The following GABRG3 variants were observed in gnomAD, a reference collection of about 807,000 sequenced individuals.
The protein encoded by GABRG3 is gamma-aminobutyric acid receptor subunit gamma-3.
In GABRG3, 25 loss-of-function variants were observed where a neutral mutation model predicts 48.8. The ratio of observed to expected loss-of-function variants is 0.51; its 90% confidence interval spans 0.37 to 0.72. The LOEUF is 0.72. Among genes scored for constraint, GABRG3 ranks in the 30% least tolerant of loss-of-function variants. The pLI is 0.00. For missense variants in GABRG3, 394 were observed against 577.9 expected, an observed-to-expected ratio of 0.68 and a Z score of 3.26; for synonymous variants, 227 against 217.6, an observed-to-expected ratio of 1.04 and a Z score of -0.38.
Position 27,537,080 on chromosome 15 carries a change from C to G in GABRG3, c.*4199C>G, listed in dbSNP as rs115708778. 6.9e-6 allele frequency: 1 copy of G among 145,232 alleles called. No homozygotes were observed. The highest frequency in any genetic ancestry group is 2.6e-5 in the African/African-American group (1 of 39,070). 9.0% of individuals were successfully genotyped at this position (145,232 alleles called of 1,614,324 possible). A position where few individuals can be genotyped will look rare whatever the true frequency, so the allele number is the denominator to read the frequency against. On this transcript the variant is annotated 3_prime_UTR_variant, in exon 10 of 10. Coordinates refer to ENST00000615808, the MANE Select transcript of GABRG3 (RefSeq NM_033223.5). ...ACTCTTTTTGAGTGCTTTTCCTGAGCGATTTTAAACTCTACCCGTAAGAAA... is the reference window on the plus strand; with the variant it reads ...ACTCTTTTTGAGTGCTTTTCCTGAGGGATTTTAAACTCTACCCGTAAGAAA...
intron 3 of GABRG3, among the ~76,000 whole-genome samples, chr15:27,259,623 G>A (rs1890715415): frequency 6.6e-6 from 1 of 152,184 alleles, no homozygotes; most frequent in African/African-American, 2.4e-5. Flanking sequence ...TAAGAGTTAA[G>A]TTGAGAAGAG....
intron 6 of GABRG3, among the ~76,000 whole-genome samples, chr15:27,504,461 T>C (rs1452223724): frequency 5.9e-5 from 9 of 152,206 alleles, no homozygotes; most frequent in Admixed American, 5.9e-4. Context: ...ATTTTGCCAC[T>C]TTATGTATGA....
rs1209238134 is a variant in GABRG3, at chr15:27,180,724, TTTAA to T, written c.271-146081_271-146078del. Among the ~76,000 whole-genome samples, 2 of 152,188 alleles carry T rather than the reference TTTAA, an allele frequency of 1.3e-5. No individual in the cohort carries two copies. Among genetic ancestry groups the T allele is most frequent in the Admixed American group, 1.3e-4 (2 of 15,290 alleles). On this transcript the variant is annotated intron_variant, in intron 3 of 9. Coordinates refer to ENST00000615808, the MANE Select transcript of GABRG3 (RefSeq NM_033223.5). This position sits in a 1 kb window ranked among gnomAD's most constrained non-coding sequence, Gnocchi z 4.2. ...AATTGAAAAACAGAAACCTATTTTC[TTTAA>T]TTATTTTACTAATTTCTACTTGATA... is the stretch of plus-strand genomic sequence containing the variant.
chr15:27,097,243 A>G (rs950141871), intron 3 of GABRG3, among the ~76,000 whole-genome samples: 9 of 152,150 alleles, frequency 5.9e-5, no homozygotes, highest in African/African-American at 2.2e-4. Flanking sequence ...TGGGCATGTA[A>G]GAAATGGAAA....
intron 7 of GABRG3, among the ~76,000 whole-genome samples, chr15:27,525,762 GT>G (rs1354309884): frequency 6.7e-6 from 1 of 148,746 alleles, no homozygotes; most frequent in East Asian, 2.0e-4. Flanking sequence ...CTTCATCCAT[GT>G]CCCTGCAAAG....
chr15:27,333,674 G>A (rs1893874383), intron 5 of GABRG3, among the ~76,000 whole-genome samples: 1 of 152,150 alleles, frequency 6.6e-6, no homozygotes, highest in Admixed American at 6.5e-5. Context: ...GTCCTTGCTG[G>A]TTACTAGTTT....
intron 3 of GABRG3, among the ~76,000 whole-genome samples, chr15:27,290,233 G>T (rs1366935057): frequency 1.3e-5 from 2 of 151,908 alleles, no homozygotes; most frequent in Non-Finnish European, 2.9e-5. Flanking sequence ...TTGACGAACA[G>T]ATATAAATAA....
intron 3 of GABRG3, among the ~76,000 whole-genome samples, chr15:27,289,987 G>T (rs1432486979): frequency 6.6e-6 from 1 of 152,094 alleles, no homozygotes; most frequent in Non-Finnish European, 1.5e-5. Flanking sequence ...AAAGGAACCA[G>T]AGCCCCTTGG....
In GABRG3 at chr15:27,308,531, T is replaced by C. The variant is rs528953154; in HGVS notation, c.271-18278T>C. Among the ~76,000 whole-genome samples, 460 of 147,554 alleles carry C rather than the reference T, an allele frequency of 3.1e-3. 4 individuals carry two copies. Among genetic ancestry groups the C allele is most frequent in the African/African-American group, 0.011 (438 of 40,206 alleles). ...AACATAATGTAAACATACATGTTTA[T>C]ATAAACATATATAATGTAAACATAC... On this transcript the variant is annotated intron_variant, in intron 3 of 9. Transcript: ENST00000615808.
At chr15:27,329,115 A>G (rs1893718980) in intron 5 of GABRG3, among the ~76,000 whole-genome samples, 1 of 152,210 alleles carries the variant, frequency 6.6e-6, no homozygotes, top group Non-Finnish European at 1.5e-5. Flanking sequence ...CAACTTGACC[A>G]TTGACATGGA....
chr15:27,444,278 C>G (rs1245414271), intron 5 of GABRG3, among the ~76,000 whole-genome samples: 1 of 152,088 alleles, frequency 6.6e-6, no homozygotes, highest in Non-Finnish European at 1.5e-5. Flanking sequence ...ATATAAAGAT[C>G]TTCCAAAATG....
At chr15:27,156,916 C>A (rs752172956) in intron 3 of GABRG3, among the ~76,000 whole-genome samples, 3 of 152,164 alleles carry the variant, frequency 2.0e-5, no homozygotes, top group Admixed American at 6.5e-5. Flanking sequence ...AAGAAATCCA[C>A]ACCTGACAAG....
intron 3 of GABRG3, among the ~76,000 whole-genome samples, chr15:27,121,777 A>T (rs1454918066): frequency 1.3e-5 from 2 of 152,234 alleles, no homozygotes; most frequent in Non-Finnish European, 2.9e-5. Context: ...CTGTTTGGCT[A>T]ATAAAAAAGA....
chr15:27,153,578 T>C (rs557718990), intron 3 of GABRG3, among the ~76,000 whole-genome samples: 1 of 152,342 alleles, frequency 6.6e-6, no homozygotes, highest in South Asian at 2.1e-4. Flanking sequence ...TGGAAAGACA[T>C]CTTTACGATG....
chr15:27,306,012 A>G (rs1892402108), intron 3 of GABRG3, among the ~76,000 whole-genome samples: 1 of 72,958 alleles, frequency 1.4e-5, no homozygotes, highest in Non-Finnish European at 2.4e-5. Context: ...AAACATATAT[A>G]ATATAAACCT....
intron 3 of GABRG3, among the ~76,000 whole-genome samples, chr15:27,191,297 T>C (rs1291973394): frequency 6.6e-6 from 1 of 152,156 alleles, no homozygotes; most frequent in African/African-American, 2.4e-5. Flanking sequence ...TTCTGTCTCA[T>C]TGATCTGTCT....
At position 27,168,190 on chromosome 15, in the gene GABRG3, A is replaced by C. The variant is rs141396158; in HGVS notation, c.270+141369A>C. Among the ~76,000 whole-genome samples, 3 of 152,194 alleles carry C rather than the reference A, an allele frequency of 2.0e-5. No homozygotes were observed. The East Asian group carries it at 5.8e-4, about 29-fold the overall frequency. On this transcript the variant is annotated intron_variant, in intron 3 of 9. Transcript: ENST00000615808. ...TCCCAATACATGGCTTGACGTCCAAAACCACTTGATGTCATGGGGGAGCAG... is the reference window on the plus strand; with the variant it reads ...TCCCAATACATGGCTTGACGTCCAACACCACTTGATGTCATGGGGGAGCAG...
chr15:27,093,128 C>G (rs1897218541), intron 3 of GABRG3, among the ~76,000 whole-genome samples: 1 of 151,974 alleles, frequency 6.6e-6, no homozygotes, highest in Non-Finnish European at 1.5e-5. Context: ...AGCATTGTAT[C>G]CTGGGCACCT....
At chr15:27,451,752 A>G (rs1402573096) in intron 5 of GABRG3, among the ~76,000 whole-genome samples, 3 of 152,156 alleles carry the variant, frequency 2.0e-5, no homozygotes, top group Non-Finnish European at 4.4e-5. Context: ...AAGAAAATCT[A>G]TGGATTGGGG....
Sources: gnomAD v4.1 joint callset for allele counts (sites outside exome capture counted in the v4.1 genomes callset) on GRCh38, gnomAD v4.1.1 for gene constraint, Gnocchi (gnomAD v3.1) non-coding constraint, MANE v1.5 for transcripts, NCBI Gene and HGNC (gene_info 2026-07-23, HGNC 2026-07-21) for gene names.